Variants in CDCA7L observed in about 807,000 individuals in gnomAD.
CDCA7L encodes the protein cell division cycle-associated 7-like protein.
CDCA7L carries 44 observed loss-of-function variants against 57.4 expected under a neutral mutation model. The ratio of observed to expected loss-of-function variants is 0.77; its 90% CI spans 0.60 to 0.98. CDCA7L has a LOEUF of 0.98. Ranked by LOEUF, CDCA7L falls within the 50% of genes least tolerant of loss-of-function variation. The pLI is 0.00. For synonymous variants in CDCA7L, 236 were observed against 202.8 expected (o/e 1.16, Z -1.39); for missense variants, 644 against 580.6 (o/e 1.11, Z -1.12).
In CDCA7L at chr7:21,937,105, G is replaced by T. The variant is rs181217745; in HGVS notation, c.24+8676C>A. Among the ~76,000 whole-genome samples the T allele has an allele frequency of 2.5e-4, 38 of 152,164 alleles. No individual in the cohort carries two copies. The East Asian group carries it at 6.9e-3, about 28-fold the overall frequency. On this transcript the variant is annotated intron_variant, in intron 1 of 9. Coordinates refer to ENST00000406877, the MANE Select transcript of CDCA7L (RefSeq NM_018719.5). ...AAGTTTAACCAAAAAGGCGAAAAAA[G>T]CCTTGTACACTGAAAACTACATCCC...
chr7:21,913,011 C>G (rs1054832169), intron 2 of CDCA7L, among the ~76,000 whole-genome samples: 5 of 152,072 alleles, frequency 3.3e-5, no homozygotes, highest in Admixed American at 2.6e-4. Flanking sequence ...GAGTCTGTCC[C>G]CAGTTTCCTC....
At chr7:21,913,096 A>G (rs13242846) in intron 2 of CDCA7L, among the ~76,000 whole-genome samples, 22,109 of 151,878 alleles carry the variant, frequency 0.15, 2,061 homozygotes, top group Non-Finnish European at 0.21. Context: ...ATCTGTATCT[A>G]CCCCACTGCG....
At chr7:21,945,749 G>T in intron 1 of CDCA7L, 32 bp downstream of exon 1, 2 of 1,600,498 alleles carry the variant, frequency 1.2e-6, no homozygotes, top group Non-Finnish European at 1.7e-6. Flanking sequence ...CTGTGGGTGC[G>T]TCCGGACGGC....
At chr7:21,930,351 C>A (rs112043844) in intron 1 of CDCA7L, among the ~76,000 whole-genome samples, 2 of 152,094 alleles carry the variant, frequency 1.3e-5, no homozygotes, top group African/African-American at 4.8e-5. Flanking sequence ...TAAATGCCCA[C>A]AAGAGAAAGC....
chr7:21,906,227 G>T, intron 6 of CDCA7L, 62 bp downstream of exon 6: 1 of 1,488,210 alleles, frequency 6.7e-7, no homozygotes, highest in Non-Finnish European at 9.1e-7. Flanking sequence ...AGTGACGTGC[G>T]TTCACGTTTG....
At chr7:21,944,910 C>T (rs1786470395) in intron 1 of CDCA7L, 1 of 151,260 alleles carries the variant, frequency 6.6e-6, no homozygotes, top group South Asian at 2.1e-4. Context: ...CACAAAGCAT[C>T]TCCGTGCTCC....
intron 9 of CDCA7L, 138 bp downstream of exon 9, chr7:21,902,840 G>A: frequency 1.4e-6 from 1 of 730,820 alleles, no homozygotes; most frequent in South Asian, 2.0e-5. Flanking sequence ...AATGCAAACA[G>A]ATACAGAATG....
chr7:21,922,235 G>C (rs796952970), intron 1 of CDCA7L, among the ~76,000 whole-genome samples: 16 of 152,252 alleles, frequency 1.1e-4, no homozygotes, highest in African/African-American at 3.9e-4. Flanking sequence ...AAGGACTGCA[G>C]GTTTCCCTTA....
At chr7:21,940,103 T>G (rs534074205) in intron 1 of CDCA7L, among the ~76,000 whole-genome samples, 2 of 152,258 alleles carry the variant, frequency 1.3e-5, no homozygotes, top group East Asian at 3.9e-4. Flanking sequence ...TGCTGACAGA[T>G]GCAGTGGCAG....
chr7:21,945,894 C>A lies in CDCA7L; in HGVS notation c.-90G>T. On this transcript the variant is annotated 5_prime_UTR_variant, in exon 1 of 10. Transcript: ENST00000406877. ...CCGGCGCACCAAGAACGCCCCGCGCCCGAGCAGCTAGCGCGCTCCGCCCGG... is the reference window on the plus strand; with the variant it reads ...CCGGCGCACCAAGAACGCCCCGCGCACGAGCAGCTAGCGCGCTCCGCCCGG... 2 of 1,417,430 alleles carry A rather than the reference C, an allele frequency of 1.4e-6. No homozygotes were observed. The highest frequency in any genetic ancestry group is 1.3e-5 in the South Asian group (1 of 74,540). 87.8% of individuals were successfully genotyped at this position (1,417,430 alleles called of 1,614,324 possible).
chr7:21,930,534 A>C (rs752333508), intron 1 of CDCA7L, among the ~76,000 whole-genome samples: 1 of 151,940 alleles, frequency 6.6e-6, no homozygotes, highest in Non-Finnish European at 1.5e-5. Context: ...GTCTGTACTA[A>C]AAACACAAAA....
chr7:21,901,567 T>TA lies in CDCA7L; in HGVS notation c.*754_*755insT. 1 of 197,424 alleles carries TA rather than the reference T, an allele frequency of 5.1e-6. No homozygotes were observed. 12.2% of individuals were successfully genotyped at this position (197,424 alleles called of 1,614,324 possible). On this transcript the variant is annotated 3_prime_UTR_variant, in exon 10 of 10. Coordinates refer to ENST00000406877, the MANE Select transcript of CDCA7L (RefSeq NM_018719.5). ...CTGGGCAACAGAACAAGACTCCATC[T>TA]CAAAAAAAAAAAAGTACATCATAAA...
chr7:21,915,658 A>AC (rs59164908), intron 2 of CDCA7L, among the ~76,000 whole-genome samples: 1,207 of 73,498 alleles, frequency 0.016, 75 homozygotes, highest in Admixed American at 0.11. Context: ...AAAAAAAAAA[A>AC]ACACACACAC....
At chr7:21,917,906 G>C (rs1322405804) in intron 1 of CDCA7L, among the ~76,000 whole-genome samples, 3 of 77,624 alleles carry the variant, frequency 3.9e-5, no homozygotes, top group African/African-American at 2.4e-4. Context: ...TAATTCAATA[G>C]TACGATTTAC....
Position 21,908,302 on chromosome 7 carries a change from G to A in CDCA7L, c.509C>T (p.Ala170Val). Residue 170 changes from alanine to valine, a missense_variant, in exon 4 of 10, where the codon GCA becomes GTA. By Grantham distance (64) the Ala-to-Val change is moderately conservative. Transcript: ENST00000406877. The stretch of plus-strand genomic sequence containing the variant: ...TGTTTTTTTCTCATTCTGTAAGCGT[G>A]CGCTAGAAAACAACTGCTCGGAAGA... ...NSSSEQLFSS[A>V]RLQNEKKTIL... The A allele has an allele frequency of 6.2e-7, 1 of 1,610,898 alleles. No homozygotes were observed. Among genetic ancestry groups the A allele is most frequent in the Non-Finnish European group, 8.5e-7 (1 of 1,179,292 alleles).
chr7:21,907,855 G>C (rs1785190011), intron 4 of CDCA7L, among the ~76,000 whole-genome samples: 1 of 152,134 alleles, frequency 6.6e-6, no homozygotes, highest in African/African-American at 2.4e-5. Flanking sequence ...TATATACTTA[G>C]AACTTAGCTT....
chr7:21,943,523 A>G (rs1562640433), intron 1 of CDCA7L, among the ~76,000 whole-genome samples: 1 of 152,254 alleles, frequency 6.6e-6, no homozygotes, highest in African/African-American at 2.4e-5. Context: ...GACAGGGTGG[A>G]ACCACACGAA....
intron 1 of CDCA7L, among the ~76,000 whole-genome samples, chr7:21,930,279 G>C (rs1168823545): frequency 1.3e-5 from 2 of 152,120 alleles, no homozygotes; most frequent in Non-Finnish European, 2.9e-5. Context: ...TGAGAACAAA[G>C]ACAACATACC....
intron 1 of CDCA7L, among the ~76,000 whole-genome samples, chr7:21,936,792 C>T (rs1305153103): frequency 1.3e-5 from 2 of 152,160 alleles, no homozygotes; most frequent in Non-Finnish European, 2.9e-5. Flanking sequence ...TTCTATTCAA[C>T]GCAGTATTGG....
Sources: gnomAD v4.1 joint callset for allele counts (sites outside exome capture counted in the v4.1 genomes callset) on GRCh38, gnomAD v4.1.1 for gene constraint, MANE v1.5 for transcripts, NCBI Gene and HGNC (gene_info 2026-07-23, HGNC 2026-07-21) for gene names.